Variants in MYOZ2 observed in about 807,000 individuals in gnomAD.
MYOZ2 encodes myozenin 2, also known as myozenin-2.
A neutral mutation model predicts 25.4 loss-of-function variants in MYOZ2; 19 were observed. The ratio of observed to expected loss-of-function variants is 0.75; its 90% CI spans 0.52 to 1.10. The LOEUF (loss-of-function observed/expected upper bound fraction) is 1.10, where lower values mean the gene tolerates loss of function less well. Among genes scored for constraint, MYOZ2 ranks in the 50% least tolerant of loss-of-function variants. The probability of loss-of-function intolerance (pLI) is 0.00; values close to 1 mark genes in which losing one functional copy is unlikely to be tolerated. For synonymous variants in MYOZ2, 92 were observed against 106.9 expected, an observed-to-expected ratio of 0.86 and a Z score of 0.86; for missense variants, 270 against 317.9, an observed-to-expected ratio of 0.85 and a Z score of 1.15.
At chr4:119,148,890 C>T (rs1045739364) in intron 2 of MYOZ2, among the ~76,000 whole-genome samples, 1 of 150,920 alleles carries the variant, frequency 6.6e-6, no homozygotes, top group African/African-American at 2.4e-5. Flanking sequence ...TTTAATATCT[C>T]AGTCATCCCA....
intron 2 of MYOZ2, among the ~76,000 whole-genome samples, chr4:119,143,418 A>T (rs900403304): frequency 2.6e-5 from 4 of 151,864 alleles, no homozygotes; most frequent in African/African-American, 9.7e-5. Context: ...CTGGTCTCGA[A>T]CTCCTGACCT....
chr4:119,169,984 TG>T (rs1397541706), intron 5 of MYOZ2, among the ~76,000 whole-genome samples: 12 of 152,184 alleles, frequency 7.9e-5, no homozygotes, highest in Admixed American at 7.2e-4. Context: ...AAATATTTTT[TG>T]TTGTTGTTGT....
intron 2 of MYOZ2, among the ~76,000 whole-genome samples, chr4:119,148,811 G>T (rs983079878): frequency 7.3e-6 from 1 of 137,762 alleles, no homozygotes; most frequent in South Asian, 2.3e-4. Context: ...TTTGTTTCAA[G>T]TGGTTTCCTA....
chr4:119,174,182 C>T (rs544676459), intron 5 of MYOZ2, among the ~76,000 whole-genome samples: 2 of 152,368 alleles, frequency 1.3e-5, no homozygotes, highest in South Asian at 2.1e-4. Flanking sequence ...GCGCACGGCG[C>T]AGGACTGGCA....
At chr4:119,143,595 G>T (rs771281963) in intron 2 of MYOZ2, among the ~76,000 whole-genome samples, 15 of 152,156 alleles carry the variant, frequency 9.9e-5, no homozygotes, top group Non-Finnish European at 2.1e-4. Flanking sequence ...TTTGTGTTAC[G>T]CAGTTCTACG....
In MYOZ2 at chr4:119,150,896, A is replaced by C. The variant is rs1245993988; in HGVS notation, c.101A>C (p.Lys34Thr). The C allele has an allele frequency of 6.2e-7, 1 of 1,613,862 alleles. No individual in the cohort carries two copies. Among genetic ancestry groups the C allele is most frequent in the African/African-American group, 1.3e-5 (1 of 74,916 alleles). ...GATGTTGATGGCATGGACCTGGGCAAAAAGGTCAGCATCCCCAGAGACATC... is the reference window on the plus strand; with the variant it reads ...GATGTTGATGGCATGGACCTGGGCACAAAGGTCAGCATCCCCAGAGACATC... ...GNDVDGMDLG[K>T]KVSIPRDIML... The change falls in exon 3 of 6, where the codon AAA (lysine) becomes ACA (threonine). Residue 34 changes from lysine (K) to threonine (T), a missense_variant. Lys to Thr is a moderately conservative substitution (Grantham distance 78, BLOSUM62 -1). Transcript: ENST00000307128.
intron 4 of MYOZ2, among the ~76,000 whole-genome samples, chr4:119,161,629 G>GA (rs543260998): frequency 1.7e-4 from 26 of 151,934 alleles, no homozygotes; most frequent in African/African-American, 6.0e-4. Context: ...TATCAAAAAA[G>GA]AAAAAAGTTG....
chr4:119,166,030 T>A (rs1448583824), intron 5 of MYOZ2, among the ~76,000 whole-genome samples: 2 of 149,952 alleles, frequency 1.3e-5, no homozygotes, highest in Non-Finnish European at 2.9e-5. Flanking sequence ...ACATGCTGTG[T>A]GTGTGTGCGT....
intron 2 of MYOZ2, among the ~76,000 whole-genome samples, chr4:119,140,019 T>A (rs1213682369): frequency 6.6e-6 from 1 of 152,152 alleles, no homozygotes; most frequent in Non-Finnish European, 1.5e-5. Context: ...AATGGAGTGC[T>A]GTTGTTAATG....
intron 5 of MYOZ2, among the ~76,000 whole-genome samples, chr4:119,184,431 T>C (rs1393390819): frequency 6.6e-6 from 1 of 152,242 alleles, no homozygotes; most frequent in Non-Finnish European, 1.5e-5. Flanking sequence ...TTAGCCATAC[T>C]GTACATGTCT....
chr4:119,166,847 G>A (rs1221048227), intron 5 of MYOZ2, among the ~76,000 whole-genome samples: 1 of 152,080 alleles, frequency 6.6e-6, no homozygotes, highest in Non-Finnish European at 1.5e-5. Flanking sequence ...CTGTTTTTGG[G>A]ATGTCATGAA....
intron 5 of MYOZ2, 105 bp downstream of exon 5, chr4:119,164,499 A>C: frequency 8.6e-7 from 1 of 1,162,886 alleles, no homozygotes; most frequent in Non-Finnish European, 1.3e-6. Context: ...TTTTCTTTTG[A>C]GAAAAGAATC....
At chr4:119,165,726 A>G (rs1489901739) in intron 5 of MYOZ2, among the ~76,000 whole-genome samples, 2 of 143,218 alleles carry the variant, frequency 1.4e-5, no homozygotes, top group East Asian at 4.3e-4. Flanking sequence ...AGAAAATTAT[A>G]ACAAGTAAAA....
At chr4:119,173,636 C>A (rs902884012) in intron 5 of MYOZ2, among the ~76,000 whole-genome samples, 1 of 152,220 alleles carries the variant, frequency 6.6e-6, no homozygotes, top group African/African-American at 2.4e-5. Context: ...TCACAGCCCT[C>A]GCTCGCTCTC....
chr4:119,165,557 T>A (rs1741805220), intron 5 of MYOZ2, among the ~76,000 whole-genome samples: 1 of 151,954 alleles, frequency 6.6e-6, no homozygotes, highest in Non-Finnish European at 1.5e-5. Context: ...ATTGTACTAT[T>A]AAGATTTTAG....
rs2149225275 is a variant in MYOZ2 at position 119,164,328 on chromosome 4, C to T, written c.494C>T (p.Ala165Val). ...AISNDPELLE[A>V]LYPKLFKPEG... Reference sequence around the variant, plus strand: ...AGCAATGATCCGGAGCTTTTAGAGGCTTTATATCCTAAACTTTTCAAGCCT... The same window carrying T: ...AGCAATGATCCGGAGCTTTTAGAGGTTTTATATCCTAAACTTTTCAAGCCT... The change falls in exon 5 of 6, where the codon GCT (alanine) becomes GTT (valine). Residue 165 changes from alanine to valine, a missense_variant. Physicochemically the swap from Ala to Val is moderately conservative, Grantham distance 64. Coordinates refer to ENST00000307128, the MANE Select transcript of MYOZ2 (RefSeq NM_016599.5). 2 of 1,614,054 alleles carry T rather than the reference C, an allele frequency of 1.2e-6. No individual in the cohort carries two copies. The highest frequency in any genetic ancestry group is 1.7e-6 in the Non-Finnish European group (2 of 1,179,954).
intron 2 of MYOZ2, among the ~76,000 whole-genome samples, chr4:119,141,227 A>G (rs1304689985): frequency 6.6e-6 from 1 of 152,222 alleles, no homozygotes; most frequent in Non-Finnish European, 1.5e-5. Flanking sequence ...GTTGCCAATC[A>G]TGGTAGAACA....
At position 119,151,084 on chromosome 4, in the gene MYOZ2, T is replaced by G. The variant is rs370540806; in HGVS notation, c.246+43T>G. ...AGGTAGTATCCAAATGAATGCGCAA[T>G]ATTTCTAAATTTGTATTTATGACTA... On this transcript the variant is annotated intron_variant, in intron 3 of 5. Coordinates refer to ENST00000307128, the MANE Select transcript of MYOZ2 (RefSeq NM_016599.5). 7 of 1,528,686 alleles carry G rather than the reference T, an allele frequency of 4.6e-6. No homozygotes were observed. In the African/African-American group the frequency reaches 9.6e-5, roughly 21 times the overall value. The allele number at this position is 1,528,686 out of a possible 1,614,324, so 94.7% of individuals were successfully genotyped here.
chr4:119,169,907 T>A (rs1490580490), intron 5 of MYOZ2, among the ~76,000 whole-genome samples: 1 of 152,190 alleles, frequency 6.6e-6, no homozygotes, highest in Non-Finnish European at 1.5e-5. Context: ...CTGACAAAAA[T>A]GAATCCCTTC....
Sources: allele counts gnomAD v4.1 joint callset (sites outside exome capture counted in the v4.1 genomes callset), GRCh38; gene constraint gnomAD v4.1.1; transcripts MANE v1.5; gene names NCBI Gene and HGNC (gene_info 2026-07-23, HGNC 2026-07-21).